Variants in LHPP observed in about 807,000 individuals in gnomAD.
LHPP encodes the protein hLHPP.
A neutral mutation model predicts 30.3 loss-of-function variants in LHPP; 24 were observed. The observed-to-expected ratio is 0.79, with a 90% CI of 0.57 to 1.11. The LOEUF is 1.11. LHPP is among the 50% of genes most tolerant of loss of function. LHPP has a pLI of 0.00. For missense variants in LHPP, 356 were observed against 367.2 expected (o/e 0.97, Z 0.25); for synonymous variants, 150 against 157.1 (o/e 0.95, Z 0.34).
At chr10:124,499,623 T>C (rs1953843055) in intron 5 of LHPP, among the ~76,000 whole-genome samples, 1 of 151,814 alleles carries the variant, frequency 6.6e-6, no homozygotes, top group Admixed American at 6.6e-5. Context: ...GCCACTGCAC[T>C]CCACCTGGGT....
intron 3 of LHPP, among the ~76,000 whole-genome samples, chr10:124,493,094 G>A (rs1953581621): frequency 7.0e-6 from 1 of 143,692 alleles, no homozygotes; most frequent in African/African-American, 2.6e-5. Context: ...GATAATAATA[G>A]TCAGAACAGG....
intron 3 of LHPP, among the ~76,000 whole-genome samples, chr10:124,489,550 G>C (rs896477217): frequency 5.3e-5 from 8 of 152,158 alleles, no homozygotes; most frequent in Non-Finnish European, 7.3e-5. Flanking sequence ...TCCCTCCCGG[G>C]TTCAAGCGAT....
intron 6 of LHPP, among the ~76,000 whole-genome samples, chr10:124,548,301 A>G (rs1008530012): frequency 1.3e-5 from 2 of 152,078 alleles, no homozygotes; most frequent in Non-Finnish European, 2.9e-5. Context: ...AGGCTCCCGC[A>G]TGAGCTGGGT....
intron 1 of LHPP, among the ~76,000 whole-genome samples, chr10:124,463,406 A>G (rs1952461198): frequency 6.6e-6 from 1 of 151,372 alleles, no homozygotes. Flanking sequence ...CTTGTTGCCC[A>G]GGCCGGAGTG....
At chr10:124,584,334 A>C (rs1339989405) in intron 6 of LHPP, among the ~76,000 whole-genome samples, 2 of 150,572 alleles carry the variant, frequency 1.3e-5, no homozygotes, top group African/African-American at 4.9e-5. Context: ...ATTGCATTCC[A>C]GCCTGGGCAA....
At chr10:124,591,707 A>C (rs976271618) in intron 6 of LHPP, among the ~76,000 whole-genome samples, 6 of 151,940 alleles carry the variant, frequency 3.9e-5, no homozygotes, top group Non-Finnish European at 8.8e-5. Flanking sequence ...TCTTCTAACA[A>C]GCATTTGGTA....
In LHPP at chr10:124,541,111, G is replaced by GGT. The variant is rs1955175737; in HGVS notation, c.716+23841_716+23842insTG. On this transcript the variant is annotated intron_variant, in intron 6 of 6. Coordinates refer to ENST00000368842, the MANE Select transcript of LHPP (RefSeq NM_022126.4). The surrounding 1 kb of genome is among the most constrained non-coding windows in gnomAD (Gnocchi z 4.2). ...GGCCCTGGGCCCTGGGATGGCCGGA[G>GGT]GAGAGCCTGCCATACCCACGCAGTG... Among the ~76,000 whole-genome samples, 7 of 152,168 alleles carry GGT rather than the reference G, an allele frequency of 4.6e-5. No homozygotes were observed. The highest frequency in any genetic ancestry group is 8.8e-5 in the Non-Finnish European group (6 of 68,048).
intron 3 of LHPP, among the ~76,000 whole-genome samples, chr10:124,489,276 C>T (rs1953439948): frequency 6.6e-6 from 1 of 152,232 alleles, no homozygotes; most frequent in Non-Finnish European, 1.5e-5. Flanking sequence ...TATGTCCTTG[C>T]AAGTGGCTTC....
Position 124,614,091 on chromosome 10 carries a change from G to A in LHPP, c.*731G>A, listed in dbSNP as rs138717918. 2,369 of 152,662 alleles carry A rather than the reference G, an allele frequency of 0.016. 31 individuals carry two copies. The highest frequency in any genetic ancestry group is 0.02 in the Non-Finnish European group (1,386 of 68,298). The allele number at this position is 152,662 out of a possible 1,614,324, so 9.5% of individuals were successfully genotyped here. A position where few individuals can be genotyped will look rare whatever the true frequency, so the allele number is the denominator to read the frequency against. The stretch of plus-strand genomic sequence containing the variant: ...GGACAGACTTGAAGGTGTCATGCCC[G>A]GTGTGTGCAGGAGGAAACTAACAGT... On this transcript the variant is annotated 3_prime_UTR_variant, in exon 7 of 7. Coordinates refer to ENST00000368842, the MANE Select transcript of LHPP (RefSeq NM_022126.4).
chr10:124,528,365 T>C (rs2133926775), intron 6 of LHPP, among the ~76,000 whole-genome samples: 1 of 151,932 alleles, frequency 6.6e-6, no homozygotes, highest in African/African-American at 2.4e-5. Context: ...ATTTATTATT[T>C]TATTTTTTTT....
chr10:124,575,858 G>A (rs1040000251), intron 6 of LHPP, among the ~76,000 whole-genome samples: 3 of 152,186 alleles, frequency 2.0e-5, no homozygotes, highest in African/African-American at 7.2e-5. Context: ...AAAGGCTGGC[G>A]TGTTGGGTGT....
chr10:124,481,536 C>G (rs541091715), intron 1 of LHPP, among the ~76,000 whole-genome samples: 1 of 152,048 alleles, frequency 6.6e-6, no homozygotes, highest in South Asian at 2.1e-4. Context: ...GCCACCACAC[C>G]TGGCTAATTT....
At chr10:124,528,284 G>A (rs1183973107) in intron 6 of LHPP, among the ~76,000 whole-genome samples, 1 of 152,254 alleles carries the variant, frequency 6.6e-6, no homozygotes, top group Non-Finnish European at 1.5e-5. Context: ...CACCCCGTGG[G>A]TGTGGTCCAC....
In LHPP at chr10:124,551,016, C is replaced by T. The variant is rs930731452; in HGVS notation, c.716+33745C>T. On this transcript the variant is annotated intron_variant, in intron 6 of 6. Coordinates refer to ENST00000368842, the MANE Select transcript of LHPP (RefSeq NM_022126.4). ...ACCTTGCCGTCCTGGGCCAGCTGTT[C>T]GGTCTCTGCGTGCCTGTTTCTACAC... is the stretch of plus-strand genomic sequence containing the variant. Among the ~76,000 whole-genome samples the T allele has an allele frequency of 4.6e-5, 7 of 152,278 alleles. 1 individual carries two copies. The South Asian group carries it at 1.5e-3, about 32-fold the overall frequency.
chr10:124,495,627 C>G (rs931438835), intron 3 of LHPP, among the ~76,000 whole-genome samples: 1 of 152,154 alleles, frequency 6.6e-6, no homozygotes. Context: ...GGGCAGCTCC[C>G]GAGGAGCTCA....
intron 1 of LHPP, among the ~76,000 whole-genome samples, chr10:124,469,459 C>T (rs960211634): frequency 3.3e-5 from 5 of 152,084 alleles, no homozygotes; most frequent in East Asian, 1.9e-4. Flanking sequence ...GCCTGTCGTG[C>T]GCCAGGCAGG....
chr10:124,536,146 A>T (rs773795403), intron 6 of LHPP, among the ~76,000 whole-genome samples: 4 of 151,992 alleles, frequency 2.6e-5, no homozygotes, highest in Non-Finnish European at 5.9e-5. Flanking sequence ...GGGCTTTTCC[A>T]CCCCTGCCGC....
chr10:124,610,890 CGGGTGAGGGTGA>C (rs878906522), intron 6 of LHPP, among the ~76,000 whole-genome samples: 3 of 41,180 alleles, frequency 7.3e-5, no homozygotes, highest in East Asian at 1.1e-3. Context: ...GCTGATGGAG[CGGGTGAGGGTGA>C]GGGTGAGGGT....
At chr10:124,498,946 G>A (rs1210694671) in intron 5 of LHPP, among the ~76,000 whole-genome samples, 3 of 148,924 alleles carry the variant, frequency 2.0e-5, no homozygotes, top group Admixed American at 1.3e-4. Context: ...CAGTGGCGCT[G>A]TCTCGGCTCA....
Sources: allele counts gnomAD v4.1 joint callset (sites outside exome capture counted in the v4.1 genomes callset), GRCh38; gene constraint gnomAD v4.1.1; non-coding constraint Gnocchi (gnomAD v3.1); transcripts MANE v1.5; gene names NCBI Gene and HGNC (gene_info 2026-07-23, HGNC 2026-07-21).